RFX3: variants seen among roughly 807,000 people sequenced by gnomAD.
RFX3 encodes the protein transcription factor RFX3.
RFX3 carries 14 observed loss-of-function variants against 98.6 expected under a neutral mutation model. The ratio of observed to expected loss-of-function variants is 0.14; its 90% CI spans 0.09 to 0.22. The LOEUF (loss-of-function observed/expected upper bound fraction) is 0.22. Ranked by LOEUF, RFX3 falls within the 10% of genes least tolerant of loss-of-function variation. The pLI is 1.00. For missense variants in RFX3, 639 were observed against 926.9 expected, an observed-to-expected ratio of 0.69 and a Z score of 4.03; for synonymous variants, 383 against 328.4, an observed-to-expected ratio of 1.17 and a Z score of -1.80.
At chr9:3,267,902 C>T (rs1823861804) in intron 11 of RFX3, among the ~76,000 whole-genome samples, 1 of 151,796 alleles carries the variant, frequency 6.6e-6, no homozygotes. Flanking sequence ...AATTAGTGTA[C>T]ATTAATTATT....
At position 3,326,575 on chromosome 9, in the gene RFX3, A is replaced by T. The variant is rs370762267; in HGVS notation, c.474+3684T>A. Among the ~76,000 whole-genome samples the T allele has an allele frequency of 2.9e-4, 44 of 152,322 alleles. 1 individual carries two copies. Among genetic ancestry groups the T allele is most frequent in the African/African-American group, 1.1e-3 (44 of 41,568 alleles). On this transcript the variant is annotated intron_variant, in intron 4 of 16. Coordinates refer to ENST00000617270, the MANE Select transcript of RFX3 (RefSeq NM_001282116.2). ...CATTTAGCTTCCACTTACAAGTGAGAACATGCAGTATTTGGTTTTCTGTTC... is the reference window on the plus strand; with the variant it reads ...CATTTAGCTTCCACTTACAAGTGAGTACATGCAGTATTTGGTTTTCTGTTC...
At position 3,225,293 on chromosome 9, in the gene RFX3, A is replaced by G. The variant is rs1414563389; in HGVS notation, c.2012-13T>C. On this transcript the variant is annotated splice_polypyrimidine_tract_variant and intron_variant, in intron 16 of 16. Coordinates refer to ENST00000617270, the MANE Select transcript of RFX3 (RefSeq NM_001282116.2). Reference sequence around the variant, plus strand: ...TCACTGCCTTCATCTGCACAAACAAATAATACCAAGACTATCATCGAAGAC... The same window carrying G: ...TCACTGCCTTCATCTGCACAAACAAGTAATACCAAGACTATCATCGAAGAC... 2 of 1,612,364 alleles carry G rather than the reference A, an allele frequency of 1.2e-6. No individual in the cohort carries two copies. Among genetic ancestry groups the G allele is most frequent in the Admixed American group, 3.3e-5 (2 of 59,858 alleles).
At chr9:3,515,473 G>T (rs116826734) in intron 1 of RFX3, among the ~76,000 whole-genome samples, 2 of 151,906 alleles carry the variant, frequency 1.3e-5, no homozygotes, top group African/African-American at 4.8e-5. Context: ...ACCTCCCTAC[G>T]CCCCGTAAGT....
At chr9:3,330,686 T>G (rs1312373782) in intron 3 of RFX3, among the ~76,000 whole-genome samples, 169 bp from the exon 4 acceptor site, 1 of 152,194 alleles carries the variant, frequency 6.6e-6, no homozygotes, top group East Asian at 1.9e-4. Flanking sequence ...GATTTACTTT[T>G]CAAATTAAGG....
intron 2 of RFX3, among the ~76,000 whole-genome samples, chr9:3,361,911 C>A (rs1836503821): frequency 6.6e-6 from 1 of 152,058 alleles, no homozygotes; most frequent in South Asian, 2.1e-4. Context: ...TGTGCCACTG[C>A]ACTCCAGCCT....
intron 14 of RFX3, among the ~76,000 whole-genome samples, chr9:3,253,050 C>G (rs1478368867): frequency 6.6e-6 from 1 of 152,156 alleles, no homozygotes; most frequent in African/African-American, 2.4e-5. Flanking sequence ...AAAATTGACT[C>G]CACTGAATTG....
At chr9:3,467,817 C>G (rs988902949) in intron 1 of RFX3, among the ~76,000 whole-genome samples, 1 of 152,142 alleles carries the variant, frequency 6.6e-6, no homozygotes, top group Non-Finnish European at 1.5e-5. Flanking sequence ...TTCCCCTCCC[C>G]GCCTCCCACA....
intron 1 of RFX3, among the ~76,000 whole-genome samples, chr9:3,468,750 A>T (rs1848525277): frequency 6.6e-6 from 1 of 151,584 alleles, no homozygotes; most frequent in Non-Finnish European, 1.5e-5. Context: ...AGACCTATTT[A>T]AGTCAACATT....
chr9:3,267,319 T>G (rs1431052789), intron 11 of RFX3, among the ~76,000 whole-genome samples: 1 of 151,926 alleles, frequency 6.6e-6, no homozygotes, highest in Non-Finnish European at 1.5e-5. Flanking sequence ...TATGCTACTA[T>G]AAGAAACACA....
chr9:3,485,741 G>A (rs888419726), intron 1 of RFX3, among the ~76,000 whole-genome samples: 11 of 152,070 alleles, frequency 7.2e-5, no homozygotes, highest in Non-Finnish European at 1.6e-4. Context: ...AGTTATAAGA[G>A]AATATTCATA....
chr9:3,450,329 T>A (rs1381298990), intron 1 of RFX3, among the ~76,000 whole-genome samples: 1 of 152,150 alleles, frequency 6.6e-6, no homozygotes, highest in Non-Finnish European at 1.5e-5. Flanking sequence ...TAAAACAACA[T>A]AAAACACAGT....
intron 1 of RFX3, among the ~76,000 whole-genome samples, chr9:3,516,759 T>G (rs982964090): frequency 3.3e-5 from 5 of 152,176 alleles, no homozygotes; most frequent in Non-Finnish European, 7.3e-5. Flanking sequence ...TTAAATTGCC[T>G]ATCCACATAC....
At chr9:3,370,668 A>AT (rs1415488666) in intron 2 of RFX3, among the ~76,000 whole-genome samples, 37 of 152,142 alleles carry the variant, frequency 2.4e-4, no homozygotes, top group Non-Finnish European at 1.2e-4. Flanking sequence ...GCATAAATTG[A>AT]TATCTGTGCA....
intron 2 of RFX3, among the ~76,000 whole-genome samples, chr9:3,385,762 G>C (rs1839652411): frequency 6.6e-6 from 1 of 151,538 alleles, no homozygotes; most frequent in South Asian, 2.1e-4. Flanking sequence ...ACGTCCTTGG[G>C]AATAGTTGCA....
At chr9:3,259,556 A>G (rs74784854) in intron 13 of RFX3, among the ~76,000 whole-genome samples, 5,148 of 152,000 alleles carry the variant, frequency 0.034, 236 homozygotes, top group African/African-American at 0.1. Context: ...TCAAAATCAG[A>G]ATGCCTTTTA....
At chr9:3,309,659 C>G (rs1322021712) in intron 4 of RFX3, among the ~76,000 whole-genome samples, 1 of 151,668 alleles carries the variant, frequency 6.6e-6, no homozygotes, top group Non-Finnish European at 1.5e-5. Flanking sequence ...AAGAAGGGAT[C>G]AATATTACAT....
intron 1 of RFX3, among the ~76,000 whole-genome samples, chr9:3,505,077 AAAT>A (rs1316799600): frequency 3.2e-5 from 3 of 95,210 alleles, no homozygotes; most frequent in Admixed American, 3.3e-4. Context: ...TAAAATATAA[AAAT>A]AAAATATTTT....
intron 3 of RFX3, among the ~76,000 whole-genome samples, chr9:3,345,115 T>G (rs1834312562): frequency 6.6e-6 from 1 of 152,120 alleles, no homozygotes; most frequent in Non-Finnish European, 1.5e-5. Context: ...GGGATAATGT[T>G]GCCCTTTATA....
intron 1 of RFX3, among the ~76,000 whole-genome samples, chr9:3,428,717 T>C (rs570214009): frequency 6.6e-6 from 1 of 152,322 alleles, no homozygotes; most frequent in South Asian, 2.1e-4. Context: ...TTAAAGACTG[T>C]GGAAACCTAT....
Sources: gnomAD v4.1 joint callset for allele counts (sites outside exome capture counted in the v4.1 genomes callset) on GRCh38, gnomAD v4.1.1 for gene constraint, MANE v1.5 for transcripts, NCBI Gene and HGNC (gene_info 2026-07-23, HGNC 2026-07-21) for gene names.